The following VPS13D variants were observed in gnomAD, a reference collection of about 807,000 sequenced individuals.
The protein encoded by VPS13D is vacuolar protein sorting 13 homolog D, also known as intermembrane lipid transfer protein VPS13D.
A neutral mutation model predicts 461.9 loss-of-function variants in VPS13D; 187 were observed. The observed-to-expected ratio is 0.40, with a 90% CI of 0.36 to 0.46. The LOEUF (loss-of-function observed/expected upper bound fraction) is 0.46. VPS13D is among the 20% of genes least tolerant of loss of function. VPS13D has a pLI of 0.60. For synonymous variants in VPS13D, 1,951 were observed against 1,986.3 expected, an observed-to-expected ratio of 0.98 and a Z score of 0.47; for missense variants, 4,711 against 5,364.9, an observed-to-expected ratio of 0.88 and a Z score of 3.81.
rs768815685 is a variant in VPS13D at position 12,456,108 on chromosome 1, C to A, written c.12444C>A (p.Ala4148=). 6.2e-7 allele frequency: 1 copy of A among 1,612,980 alleles called. No homozygotes were observed. Among genetic ancestry groups the A allele is most frequent in the South Asian group, 1.1e-5 (1 of 90,926 alleles). The part of the protein sequence containing the change: ...HAATSGEHLV[A]GIHGLAHGII... ...CCACAAGTGGTGAACACCTTGTAGCCGGCATCCATGGCCTGGCTCATGGTA... is the reference window on the plus strand; with the variant it reads ...CCACAAGTGGTGAACACCTTGTAGCAGGCATCCATGGCCTGGCTCATGGTA... Residue 4148 remains alanine, a synonymous_variant, in exon 66 of 70, where the codon GCC becomes GCA. Coordinates refer to ENST00000620676, the MANE Select transcript of VPS13D (RefSeq NM_015378.4).
At chr1:12,363,838 A>G (rs60710003) in intron 52 of VPS13D, among the ~76,000 whole-genome samples, 7,239 of 151,702 alleles carry the variant, frequency 0.048, 570 homozygotes, top group African/African-American at 0.16. Context: ...CTGTAGTCAC[A>G]GCTACTTAGG....
chr1:12,247,522 C>G (rs965660987), intron 5 of VPS13D, among the ~76,000 whole-genome samples: 1 of 149,370 alleles, frequency 6.7e-6, no homozygotes, highest in African/African-American at 2.5e-5. Flanking sequence ...CCAAAAAAAA[C>G]AAAAACAAAA....
intron 66 of VPS13D, among the ~76,000 whole-genome samples, chr1:12,456,483 C>A (rs1028632667): frequency 1.3e-5 from 2 of 151,682 alleles, no homozygotes; most frequent in Non-Finnish European, 2.9e-5. Context: ...ATCAAAAATA[C>A]GAAAATTAGA....
intron 63 of VPS13D, among the ~76,000 whole-genome samples, chr1:12,411,587 A>G (rs1404678565): frequency 6.6e-6 from 1 of 152,186 alleles, no homozygotes; most frequent in Admixed American, 6.5e-5. Flanking sequence ...TAACTACTGT[A>G]TCATTATCTA....
rs1377306568 is a variant in VPS13D at position 12,502,171 on chromosome 1, G to A, written c.12794+4540G>A. On this transcript the variant is annotated intron_variant, in intron 68 of 69. Coordinates refer to ENST00000620676, the MANE Select transcript of VPS13D (RefSeq NM_015378.4). The surrounding 1 kb of genome is among the most constrained non-coding windows in gnomAD (Gnocchi z 4.3). ...GAAAAATAAAACCTTGACAGCAGCA[G>A]GTAGAGAGACTGAAGGCAGGAAGCC... is the stretch of plus-strand genomic sequence containing the variant. Among the ~76,000 whole-genome samples the A allele has an allele frequency of 6.6e-6, 1 of 152,168 alleles. No individual in the cohort carries two copies. Among genetic ancestry groups the A allele is most frequent in the Non-Finnish European group, 1.5e-5 (1 of 68,028 alleles).
At chr1:12,489,539 G>A (rs139958863) in intron 67 of VPS13D, among the ~76,000 whole-genome samples, 363 of 152,334 alleles carry the variant, frequency 2.4e-3, no homozygotes, top group Non-Finnish European at 4.4e-3. Context: ...GGAGAGGTAA[G>A]TAGAATGTTA....
chr1:12,270,256 A>G (rs1641398248), intron 16 of VPS13D, among the ~76,000 whole-genome samples: 2 of 152,056 alleles, frequency 1.3e-5, no homozygotes, highest in African/African-American at 4.8e-5. Context: ...CAGGAGTTCA[A>G]GACCAGCCTA....
chr1:12,410,634 A>G (rs970086276), intron 63 of VPS13D, among the ~76,000 whole-genome samples: 1 of 152,246 alleles, frequency 6.6e-6, no homozygotes, highest in African/African-American at 2.4e-5. Context: ...TAAGAAGTTT[A>G]CCAGAAAACT....
chr1:12,452,515 T>C (rs1196988747), intron 65 of VPS13D, among the ~76,000 whole-genome samples: 1 of 152,248 alleles, frequency 6.6e-6, no homozygotes, highest in East Asian at 1.9e-4. Flanking sequence ...TGTTTTCTGC[T>C]GTCTTTGAGG....
At chr1:12,318,890 A>G (rs989975353) in intron 31 of VPS13D, among the ~76,000 whole-genome samples, 3 of 152,184 alleles carry the variant, frequency 2.0e-5, no homozygotes, top group Admixed American at 2.0e-4. Context: ...AGTGATTTTG[A>G]TGAAGCTGGC....
At chr1:12,471,305 AAAG>A (rs1418594510) in intron 67 of VPS13D, among the ~76,000 whole-genome samples, 27 of 152,350 alleles carry the variant, frequency 1.8e-4, no homozygotes, top group African/African-American at 4.6e-4. Context: ...TGTCTCAAAA[AAAG>A]AAGAAGAACA....
chr1:12,356,095 A>G lies in VPS13D; in HGVS notation c.9871+5A>G. ...ATTGGCTGATTAACAAAACAGGTAC[A>G]TACAGGGGCTGCTCAAGTAGGTCTT... is the stretch of plus-strand genomic sequence containing the variant. On this transcript the variant is annotated splice_donor_5th_base_variant and intron_variant, in intron 48 of 69. Transcript: ENST00000620676. 3 of 1,594,568 alleles carry G rather than the reference A, an allele frequency of 1.9e-6. No individual in the cohort carries two copies. Among genetic ancestry groups the G allele is most frequent in the Non-Finnish European group, 2.6e-6 (3 of 1,167,950 alleles).
chr1:12,462,003 T>C (rs1264851081), intron 67 of VPS13D, among the ~76,000 whole-genome samples: 1 of 152,188 alleles, frequency 6.6e-6, no homozygotes, highest in Non-Finnish European at 1.5e-5. Flanking sequence ...AGAAGTTTGA[T>C]TTTCTGTCAG....
In VPS13D at chr1:12,285,642, T is replaced by C. The variant is rs1641944461; in HGVS notation, c.5634+1906T>C. 6.6e-5 allele frequency among the ~76,000 whole-genome samples: 10 copies of C among 152,248 alleles called. No individual in the cohort carries two copies. In the South Asian group the frequency reaches 2.1e-3, roughly 32 times the overall value. The stretch of plus-strand genomic sequence containing the variant: ...GATATATCATTTCACTCTACATACG[T>C]CAGTATTTATTTCTAAAAAAACAAT... On this transcript the variant is annotated intron_variant, in intron 21 of 69. Transcript: ENST00000620676.
At chr1:12,268,979 CA>C (rs1557675633) in intron 16 of VPS13D, 103 bp downstream of exon 16, 23 of 1,331,726 alleles carry the variant, frequency 1.7e-5, no homozygotes, top group Admixed American at 2.6e-5. Flanking sequence ...CTGATAGTGA[CA>C]AAAAAGGCCT....
chr1:12,261,709 T>G (rs1641114515), intron 12 of VPS13D, among the ~76,000 whole-genome samples, 192 bp from the exon 13 acceptor site: 1 of 152,200 alleles, frequency 6.6e-6, no homozygotes, highest in Non-Finnish European at 1.5e-5. Context: ...GTTGATAAGA[T>G]CCCTTAAAAA....
rs1197199913 is a variant in VPS13D at position 12,438,930 on chromosome 1, G to A, written c.12334-17068G>A. ...ATCCTTGGCTCCTTTCGGTCATGCC[G>A]CATGTCCAGTCCCTCAGCAGATCCC... On this transcript the variant is annotated intron_variant, in intron 65 of 69. Transcript: ENST00000620676. 2.0e-5 allele frequency among the ~76,000 whole-genome samples: 3 copies of A among 152,064 alleles called. No individual in the cohort carries two copies. The South Asian group carries it at 6.2e-4, about 32-fold the overall frequency.
chr1:12,400,375 GT>G, intron 61 of VPS13D, 45 bp downstream of exon 61: 1 of 1,602,752 alleles, frequency 6.2e-7, no homozygotes, highest in Non-Finnish European at 8.5e-7. Context: ...ATGCTGGAAC[GT>G]TGATTTGTTC....
Position 12,383,090 on chromosome 1 carries a change from A to T in VPS13D, c.11305A>T (p.Met3769Leu). 6.2e-7 allele frequency: 1 copy of T among 1,614,170 alleles called. No homozygotes were observed. Residue 3769 changes from methionine to leucine, a missense_variant, in exon 58 of 70, where the codon ATG becomes TTG. Around this residue, in one of 3 missense-constraint regions of VPS13D, gnomAD observed 4,411 missense variants for 4,937.8 expected, o/e 0.89. Coordinates refer to ENST00000620676, the MANE Select transcript of VPS13D (RefSeq NM_015378.4). Reference protein sequence around the residue: ...PPEQQFINQKMRPGSGMLSIR... With the variant: ...PPEQQFINQKLRPGSGMLSIR... ...TGAACAACAATTTATTAATCAAAAA[A>T]TGAGACCTGGTTCTGGAATGTTATC...
Sources: allele counts gnomAD v4.1 joint callset (sites outside exome capture counted in the v4.1 genomes callset), GRCh38; gene constraint gnomAD v4.1.1; regional missense constraint gnomAD v4.1.1; non-coding constraint Gnocchi (gnomAD v3.1); transcripts MANE v1.5; gene names NCBI Gene and HGNC (gene_info 2026-07-23, HGNC 2026-07-21).